MRAS: variants seen among roughly 807,000 people sequenced by gnomAD.
MRAS encodes ras-related protein M-Ras.
A neutral mutation model predicts 20.9 loss-of-function variants in MRAS; 4 were observed. That is an observed-to-expected ratio of 0.19 (90% CI 0.09 to 0.44). MRAS has a LOEUF of 0.44. Among genes scored for constraint, MRAS ranks in the 20% least tolerant of loss-of-function variants. The pLI is 0.99. For missense variants in MRAS, 154 were observed against 277.5 expected, an observed-to-expected ratio of 0.56 and a Z score of 3.16; for synonymous variants, 98 against 102.9, an observed-to-expected ratio of 0.95 and a Z score of 0.29.
At chr3:138,388,110 C>T (rs547456446) in intron 2 of MRAS, among the ~76,000 whole-genome samples, 73 of 152,308 alleles carry the variant, frequency 4.8e-4, no homozygotes, top group Non-Finnish European at 9.4e-4. Context: ...TGGCTGTCTG[C>T]ACCCTGCCAG....
intron 2 of MRAS, among the ~76,000 whole-genome samples, chr3:138,390,156 T>C (rs1341261867): frequency 6.6e-6 from 1 of 151,958 alleles, no homozygotes; most frequent in Non-Finnish European, 1.5e-5. Flanking sequence ...CCCAGGCTGG[T>C]GCTCCTCCAT....
intron 1 of MRAS, among the ~76,000 whole-genome samples, chr3:138,365,638 G>C (rs1339765515): frequency 6.6e-6 from 1 of 152,188 alleles, no homozygotes; most frequent in Non-Finnish European, 1.5e-5. Context: ...CACCAGGCAG[G>C]CTACCCCTAA....
rs2055440916 is a variant in MRAS at position 138,405,526 on chromosome 3, G to A, written c.*3257G>A. Reference sequence around the variant, plus strand: ...TCTCTCGACTGATTAATAAAGAAGAGAAACACGTATCTGTCTTAGTTCCTT... The same window carrying A: ...TCTCTCGACTGATTAATAAAGAAGAAAAACACGTATCTGTCTTAGTTCCTT... On this transcript the variant is annotated 3_prime_UTR_variant, in exon 6 of 6. Coordinates refer to ENST00000423968, the MANE Select transcript of MRAS (RefSeq NM_001085049.3). 6.6e-6 allele frequency: 1 copy of A among 152,546 alleles called. No individual in the cohort carries two copies. The highest frequency in any genetic ancestry group is 1.5e-5 in the Non-Finnish European group (1 of 68,046). 9.4% of individuals were successfully genotyped at this position (152,546 alleles called of 1,614,324 possible).
chr3:138,384,857 C>T (rs536911446), intron 2 of MRAS, among the ~76,000 whole-genome samples: 1 of 152,270 alleles, frequency 6.6e-6, no homozygotes, highest in African/African-American at 2.4e-5. Flanking sequence ...GAAGAAGGTG[C>T]TTCACAAAGG....
chr3:138,391,135 T>A (rs1166384554), intron 2 of MRAS, among the ~76,000 whole-genome samples: 1 of 152,220 alleles, frequency 6.6e-6, no homozygotes, highest in Non-Finnish European at 1.5e-5. Flanking sequence ...ATTTCTACTT[T>A]TATTGATACC....
intron 1 of MRAS, among the ~76,000 whole-genome samples, chr3:138,360,224 G>A (rs1228847697): frequency 6.6e-6 from 1 of 152,314 alleles, no homozygotes; most frequent in African/African-American, 2.4e-5. Context: ...AGTTGAGATG[G>A]GGGGATCAGT....
chr3:138,351,203 C>T (rs1336443728), intron 1 of MRAS, among the ~76,000 whole-genome samples: 2 of 152,124 alleles, frequency 1.3e-5, no homozygotes, highest in African/African-American at 4.8e-5. Context: ...ATGAAATGCC[C>T]CCAAACAGAG....
At chr3:138,386,685 G>A (rs1184008543) in intron 2 of MRAS, among the ~76,000 whole-genome samples, 6 of 152,030 alleles carry the variant, frequency 3.9e-5, no homozygotes, top group Non-Finnish European at 5.9e-5. Context: ...GGTTTCACCA[G>A]TTGGCCAGGC....
At chr3:138,385,548 C>T (rs1390294014) in intron 2 of MRAS, among the ~76,000 whole-genome samples, 2 of 151,856 alleles carry the variant, frequency 1.3e-5, no homozygotes, top group African/African-American at 4.8e-5. Flanking sequence ...CAGAGTCTCA[C>T]TCTGTCACCC....
At chr3:138,359,506 T>A (rs811332) in intron 1 of MRAS, among the ~76,000 whole-genome samples, 1 of 152,138 alleles carries the variant, frequency 6.6e-6, no homozygotes, top group Non-Finnish European at 1.5e-5. Flanking sequence ...ATGTCTTTCT[T>A]ATTTTTGGTC....
chr3:138,361,937 C>T (rs2054457056), intron 1 of MRAS, among the ~76,000 whole-genome samples: 1 of 152,220 alleles, frequency 6.6e-6, no homozygotes, highest in Non-Finnish European at 1.5e-5. Flanking sequence ...ACTTCCTACT[C>T]TCTTTCCTCA....
intron 2 of MRAS, among the ~76,000 whole-genome samples, chr3:138,374,182 C>T (rs919217340): frequency 6.6e-5 from 10 of 151,936 alleles, no homozygotes; most frequent in Non-Finnish European, 1.2e-4. Flanking sequence ...AGGATGGTCT[C>T]GATCTCCGGA....
chr3:138,356,635 A>G (rs987390689), intron 1 of MRAS, among the ~76,000 whole-genome samples: 3 of 152,202 alleles, frequency 2.0e-5, no homozygotes, highest in African/African-American at 7.2e-5. Context: ...ACCAGAGATG[A>G]TAGAAGGAGG....
At chr3:138,367,194 A>T (rs867661681) in intron 1 of MRAS, among the ~76,000 whole-genome samples, 27 of 152,284 alleles carry the variant, frequency 1.8e-4, no homozygotes, top group South Asian at 1.0e-3. Flanking sequence ...GTTGAAGGGA[A>T]AGCAGGGGCC....
chr3:138,402,394 G>A lies in MRAS; in HGVS notation c.*125G>A. The A allele has an allele frequency of 1.2e-6, 1 of 836,872 alleles. No homozygotes were observed. The allele number at this position is 836,872 out of a possible 1,614,324, so 51.8% of individuals were successfully genotyped here. A position where few individuals can be genotyped will look rare whatever the true frequency, so the allele number is the denominator to read the frequency against. Reference sequence around the variant, plus strand: ...CCCAAGGACTTGGTACAGGAAGGGAGAAGGGCAGGTGGGCAGGGAGCAGAC... The same window carrying A: ...CCCAAGGACTTGGTACAGGAAGGGAAAAGGGCAGGTGGGCAGGGAGCAGAC... On this transcript the variant is annotated 3_prime_UTR_variant, in exon 6 of 6. Transcript: ENST00000423968.
At position 138,403,510 on chromosome 3, in the gene MRAS, T is replaced by C. The variant is rs1386176094; in HGVS notation, c.*1241T>C. 1 of 152,646 alleles carries C rather than the reference T, an allele frequency of 6.6e-6. No homozygotes were observed. The highest frequency in any genetic ancestry group is 1.5e-5 in the Non-Finnish European group (1 of 68,062). 9.5% of individuals were successfully genotyped at this position (152,646 alleles called of 1,614,324 possible). A position where few individuals can be genotyped will look rare whatever the true frequency, so the allele number is the denominator to read the frequency against. ...TACTAGGTTGCCTTTTTGGCAATTT[T>C]TATTGACCTGTTGAATCTTGACTAT... On this transcript the variant is annotated 3_prime_UTR_variant, in exon 6 of 6. Transcript: ENST00000423968.
intron 1 of MRAS, among the ~76,000 whole-genome samples, chr3:138,364,451 A>G (rs774671523): frequency 3.3e-5 from 5 of 152,248 alleles, no homozygotes; most frequent in Non-Finnish European, 5.9e-5. Context: ...CTACTTTTAC[A>G]GAAAAGAAAA....
At chr3:138,361,172 G>A (rs566881075) in intron 1 of MRAS, among the ~76,000 whole-genome samples, 2 of 152,326 alleles carry the variant, frequency 1.3e-5, no homozygotes, top group East Asian at 1.9e-4. Context: ...GGAAGGAATC[G>A]TTTCTGGGGG....
At chr3:138,391,838 G>A (rs1467430079) in intron 2 of MRAS, among the ~76,000 whole-genome samples, 1 of 152,192 alleles carries the variant, frequency 6.6e-6, no homozygotes, top group Non-Finnish European at 1.5e-5. Flanking sequence ...TTTCATGTAT[G>A]TTTAAAAATG....
Sources: allele counts gnomAD v4.1 joint callset (sites outside exome capture counted in the v4.1 genomes callset), GRCh38; gene constraint gnomAD v4.1.1; transcripts MANE v1.5; gene names NCBI Gene and HGNC (gene_info 2026-07-23, HGNC 2026-07-21).